Variants in MTUS2 observed in about 807,000 individuals in gnomAD.
The protein encoded by MTUS2 is microtubule associated scaffold protein 2.
MTUS2 carries 40 observed loss-of-function variants against 114.1 expected under a neutral mutation model. The ratio of observed to expected loss-of-function variants is 0.35; its 90% CI spans 0.27 to 0.46. The LOEUF (loss-of-function observed/expected upper bound fraction) is 0.46, where lower values mean the gene tolerates loss of function less well. Among genes scored for constraint, MTUS2 ranks in the 20% least tolerant of loss-of-function variants. The pLI is 1.00. For synonymous variants in MTUS2, 688 were observed against 672.0 expected (o/e 1.02, Z -0.37); for missense variants, 1,679 against 1,705.4 (o/e 0.98, Z 0.27).
intron 5 of MTUS2, among the ~76,000 whole-genome samples, chr13:29,143,321 C>T (rs1256747370): frequency 6.6e-6 from 1 of 152,182 alleles, no homozygotes; most frequent in East Asian, 1.9e-4. Context: ...TTTCATAAGG[C>T]AGACAAGACA....
rs534992381 is a variant in MTUS2 at position 29,023,478 on chromosome 13, C to A, written c.-242-979C>A. ...TCTCATATGCACACACACATACATA[C>A]ACGTTTTTCTTGGTCGAATCATTTG... On this transcript the variant is annotated intron_variant, in intron 2 of 15. Coordinates refer to ENST00000612955, the MANE Select transcript of MTUS2 (RefSeq NM_001033602.4). Among the ~76,000 whole-genome samples, 4 of 152,308 alleles carry A rather than the reference C, an allele frequency of 2.6e-5. No individual in the cohort carries two copies. The South Asian group carries it at 8.3e-4, about 32-fold the overall frequency.
chr13:29,314,079 C>T (rs1161382039), intron 6 of MTUS2, among the ~76,000 whole-genome samples: 4 of 151,998 alleles, frequency 2.6e-5, no homozygotes, highest in Admixed American at 6.6e-5. Context: ...AGGAAGCAGA[C>T]CAAGAAAGAG....
intron 5 of MTUS2, among the ~76,000 whole-genome samples, chr13:29,222,017 T>C (rs1413734473): frequency 6.6e-6 from 1 of 152,206 alleles, no homozygotes; most frequent in Non-Finnish European, 1.5e-5. Context: ...GGCACCATCA[T>C]AGCACACTAG....
chr13:29,446,155 G>A (rs1236721443), intron 9 of MTUS2, among the ~76,000 whole-genome samples: 1 of 152,158 alleles, frequency 6.6e-6, no homozygotes, highest in Admixed American at 6.5e-5. Flanking sequence ...AAAACTCCAA[G>A]CATATTAGAG....
chr13:28,922,510 A>G (rs1881098793), intron 2 of MTUS2, among the ~76,000 whole-genome samples: 2 of 152,084 alleles, frequency 1.3e-5, no homozygotes, highest in Admixed American at 6.5e-5. Context: ...ATTTGCTGGG[A>G]TGGCTGATTC....
At chr13:29,400,450 G>T (rs1190646255) in intron 8 of MTUS2, among the ~76,000 whole-genome samples, 1 of 152,182 alleles carries the variant, frequency 6.6e-6, no homozygotes, top group East Asian at 1.9e-4. Context: ...CAGAAATTGT[G>T]AATTGATAAA....
At chr13:29,288,431 G>A (rs1264021584) in intron 6 of MTUS2, among the ~76,000 whole-genome samples, 1 of 151,938 alleles carries the variant, frequency 6.6e-6, no homozygotes, top group Non-Finnish European at 1.5e-5. Context: ...TTTGAGGAAT[G>A]GAAAGGGGAA....
intron 10 of MTUS2, among the ~76,000 whole-genome samples, chr13:29,486,470 G>T (rs1206438487): frequency 6.6e-6 from 1 of 152,146 alleles, no homozygotes; most frequent in African/African-American, 2.4e-5. Context: ...CAGATCAAAG[G>T]TTAGCCTGTG....
Position 29,170,103 on chromosome 13 carries a change from A to G in MTUS2, c.2644+69133A>G, listed in dbSNP as rs991400989. On this transcript the variant is annotated intron_variant, in intron 5 of 15. Coordinates refer to ENST00000612955, the MANE Select transcript of MTUS2 (RefSeq NM_001033602.4). ...AGAATTGCCTGCAGACATGAGAACCATGGTGGAGGGACAAAGACCCTTGGG... is the reference window on the plus strand; with the variant it reads ...AGAATTGCCTGCAGACATGAGAACCGTGGTGGAGGGACAAAGACCCTTGGG... 6.6e-3 allele frequency among the ~76,000 whole-genome samples: 9 copies of G among 1,358 alleles called. No homozygotes were observed. In the Admixed American group the frequency reaches 0.071, roughly 11 times the overall value. 0.9% of individuals were successfully genotyped at this position (1,358 alleles called of 152,430 possible).
intron 2 of MTUS2, among the ~76,000 whole-genome samples, chr13:28,895,530 G>A (rs1879213623): frequency 6.6e-6 from 1 of 152,154 alleles, no homozygotes; most frequent in Non-Finnish European, 1.5e-5. Context: ...AGTATTATTA[G>A]ATAGTGTGTA....
intron 4 of MTUS2, among the ~76,000 whole-genome samples, chr13:29,077,358 G>T (rs1889236819): frequency 6.6e-6 from 1 of 151,696 alleles, no homozygotes; most frequent in Admixed American, 6.6e-5. Context: ...TGTGAAAGGA[G>T]AAACTGTAAA....
At chr13:28,927,608 C>G (rs1417416187) in intron 2 of MTUS2, among the ~76,000 whole-genome samples, 1 of 152,054 alleles carries the variant, frequency 6.6e-6, no homozygotes, top group East Asian at 1.9e-4. Flanking sequence ...TTTAAGTTCT[C>G]TACAATGGAA....
intron 5 of MTUS2, among the ~76,000 whole-genome samples, chr13:29,253,469 C>T (rs1468891343): frequency 1.3e-5 from 2 of 151,948 alleles, no homozygotes; most frequent in Non-Finnish European, 2.9e-5. Context: ...AAAATCACAT[C>T]CTCCTGTGGC....
chr13:28,854,742 C>T (rs1307723858), intron 2 of MTUS2, among the ~76,000 whole-genome samples: 1 of 152,146 alleles, frequency 6.6e-6, no homozygotes, highest in Non-Finnish European at 1.5e-5. Context: ...CAGCTATATT[C>T]CGCTTTTCAG....
At chr13:29,179,584 T>TTA (rs1245320546) in intron 5 of MTUS2, among the ~76,000 whole-genome samples, 2 of 152,232 alleles carry the variant, frequency 1.3e-5, no homozygotes, top group East Asian at 3.8e-4. Flanking sequence ...CCATGTGTCC[T>TTA]TAACAAATGG....
intron 5 of MTUS2, among the ~76,000 whole-genome samples, chr13:29,223,064 G>A (rs1021382051): frequency 6.6e-6 from 1 of 152,180 alleles, no homozygotes; most frequent in Admixed American, 6.5e-5. Flanking sequence ...TGGATGGCAG[G>A]TTAATGGCAG....
At chr13:28,969,160 G>A (rs2138245983) in intron 2 of MTUS2, among the ~76,000 whole-genome samples, 1 of 152,170 alleles carries the variant, frequency 6.6e-6, no homozygotes, top group South Asian at 2.1e-4. Flanking sequence ...TTCCACCTTA[G>A]CCTCCCAAAT....
chr13:29,096,763 G>T (rs1370702086), intron 4 of MTUS2, among the ~76,000 whole-genome samples: 1 of 152,148 alleles, frequency 6.6e-6, no homozygotes, highest in Non-Finnish European at 1.5e-5. Flanking sequence ...ACAGTGGACT[G>T]CTTCTCTTGG....
rs76872138 is a variant in MTUS2 at position 29,375,258 on chromosome 13, G to A, written c.3117+15785G>A. 1.8e-3 allele frequency among the ~76,000 whole-genome samples: 223 copies of A among 125,446 alleles called. 7 individuals carry two copies. The highest frequency in any genetic ancestry group is 6.2e-3 in the African/African-American group (213 of 34,182). The allele number at this position is 125,446 out of a possible 152,430, so 82.3% of individuals were successfully genotyped here. A position where few individuals can be genotyped will look rare whatever the true frequency, so the allele number is the denominator to read the frequency against. On this transcript the variant is annotated intron_variant, in intron 8 of 15. Transcript: ENST00000612955. Reference sequence around the variant, plus strand: ...ATAATTTTTAAAGAACAGAGCCTCAGGAACATAACAGACAATTTAAAAAGG... The same window carrying A: ...ATAATTTTTAAAGAACAGAGCCTCAAGAACATAACAGACAATTTAAAAAGG...
Sources: gnomAD v4.1 joint callset for allele counts (sites outside exome capture counted in the v4.1 genomes callset) on GRCh38, gnomAD v4.1.1 for gene constraint, MANE v1.5 for transcripts, NCBI Gene and HGNC (gene_info 2026-07-23, HGNC 2026-07-21) for gene names.